LHX4: variants seen among roughly 807,000 people sequenced by gnomAD.
LHX4 encodes the protein LIM homeobox 4, also known as LIM/homeobox protein Lhx4.
Under a neutral mutation model 39.2 loss-of-function variants are expected in LHX4, and 16 were observed. That is an observed-to-expected ratio of 0.41 (90% CI 0.28 to 0.62). The LOEUF (loss-of-function observed/expected upper bound fraction) is 0.62, where lower values mean the gene tolerates loss of function less well. Among genes scored for constraint, LHX4 ranks in the 20% least tolerant of loss-of-function variants. LHX4 has a pLI of 0.33. For missense variants in LHX4, 439 were observed against 511.9 expected (o/e 0.86, Z 1.37); for synonymous variants, 206 against 198.1 (o/e 1.04, Z -0.33).
intron 2 of LHX4, among the ~76,000 whole-genome samples, chr1:180,265,338 G>T (rs547773241): frequency 1.3e-5 from 2 of 152,114 alleles, no homozygotes. Context: ...AATGCCTCCC[G>T]CCTCCCTCCT....
intron 1 of LHX4, among the ~76,000 whole-genome samples, chr1:180,238,579 T>C (rs549275191): frequency 1.3e-5 from 2 of 152,218 alleles, no homozygotes; most frequent in South Asian, 4.1e-4. Flanking sequence ...TCTTTAATGC[T>C]GCTGTCATCA....
chr1:180,255,000 C>CA (rs1385800686), intron 2 of LHX4, among the ~76,000 whole-genome samples: 1 of 152,188 alleles, frequency 6.6e-6, no homozygotes, highest in Middle Eastern at 3.2e-3. Flanking sequence ...GGGGATTGAA[C>CA]AAAGGCCCAC....
chr1:180,253,122 G>A (rs960070490), intron 2 of LHX4, among the ~76,000 whole-genome samples: 5 of 152,190 alleles, frequency 3.3e-5, no homozygotes, highest in Non-Finnish European at 5.9e-5. Context: ...TGGTGCAGAG[G>A]GTGTCCCGAG....
At chr1:180,235,533 C>T (rs1390314130) in intron 1 of LHX4, among the ~76,000 whole-genome samples, 1 of 152,248 alleles carries the variant, frequency 6.6e-6, no homozygotes, top group Non-Finnish European at 1.5e-5. Flanking sequence ...GCGATGCTCC[C>T]ATTTTCGAAG....
chr1:180,236,100 C>T (rs1664311356), intron 1 of LHX4, among the ~76,000 whole-genome samples: 1 of 150,240 alleles, frequency 6.7e-6, no homozygotes, highest in Non-Finnish European at 1.5e-5. Context: ...AGACTAAATG[C>T]TGTGAGGATT....
Position 180,274,642 on chromosome 1 carries a change from G to GA in LHX4, c.*64dup, listed in dbSNP as rs1468565202. 1.3e-6 allele frequency: 2 copies of GA among 1,484,448 alleles called. No individual in the cohort carries two copies. Among genetic ancestry groups the GA allele is most frequent in the Non-Finnish European group, 1.8e-6 (2 of 1,117,720 alleles). The allele number at this position is 1,484,448 out of a possible 1,614,324, so 92.0% of individuals were successfully genotyped here. Reference sequence around the variant, plus strand: ...GAGAGAATATCTTCAAGGATCAAAAGAGACTTGCCTTTTAAGGATCGAAAG... The same window carrying GA: ...GAGAGAATATCTTCAAGGATCAAAAGAAGACTTGCCTTTTAAGGATCGAAAG... On this transcript the variant is annotated 3_prime_UTR_variant, in exon 6 of 6. Coordinates refer to ENST00000263726, the MANE Select transcript of LHX4 (RefSeq NM_033343.4).
At chr1:180,253,083 C>T (rs989414630) in intron 2 of LHX4, among the ~76,000 whole-genome samples, 5 of 152,126 alleles carry the variant, frequency 3.3e-5, no homozygotes, top group Admixed American at 2.0e-4. Context: ...AGTTCAGTGG[C>T]GGCTTCAAAC....
At chr1:180,243,705 G>A (rs1310602202) in intron 1 of LHX4, among the ~76,000 whole-genome samples, 1 of 152,088 alleles carries the variant, frequency 6.6e-6, no homozygotes, top group East Asian at 1.9e-4. Flanking sequence ...CCGCCCTCCT[G>A]TGGACATTAG....
chr1:180,250,327 G>A (rs919001243), intron 2 of LHX4, among the ~76,000 whole-genome samples: 1 of 107,760 alleles, frequency 9.3e-6, no homozygotes, highest in Non-Finnish European at 1.9e-5. Context: ...CTGTGTTTGT[G>A]TGTGTGTGTG....
At chr1:180,262,281 GAA>G (rs34979970) in intron 2 of LHX4, among the ~76,000 whole-genome samples, 1,512 of 132,516 alleles carry the variant, frequency 0.011, 22 homozygotes, top group African/African-American at 0.023. Flanking sequence ...ACTTTGAAAG[GAA>G]AAAAAAAAAA....
In LHX4 at chr1:180,230,787, T is replaced by A. The variant is rs1354940183; in HGVS notation, c.76+182T>A. Among the ~76,000 whole-genome samples the A allele has an allele frequency of 6.6e-6, 1 of 152,026 alleles. No individual in the cohort carries two copies. The highest frequency in any genetic ancestry group is 2.4e-5 in the African/African-American group (1 of 41,388). ...TGAGGGGGCCAGGCTCTTGGCTGTT[T>A]GGGGCCGAATGTGAACGCCTCCTGG... On this transcript the variant is annotated intron_variant, in intron 1 of 5. Coordinates refer to ENST00000263726, the MANE Select transcript of LHX4 (RefSeq NM_033343.4). This position sits in a 1 kb window ranked among gnomAD's most constrained non-coding sequence, Gnocchi z 5.8.
intron 2 of LHX4, among the ~76,000 whole-genome samples, chr1:180,255,393 C>T (rs1429846730): frequency 6.6e-6 from 1 of 152,232 alleles, no homozygotes; most frequent in African/African-American, 2.4e-5. Context: ...CACACGCACA[C>T]ACGCGTGCAC....
intron 1 of LHX4, among the ~76,000 whole-genome samples, chr1:180,239,356 A>G (rs933061870): frequency 6.6e-6 from 1 of 152,210 alleles, no homozygotes; most frequent in Non-Finnish European, 1.5e-5. Context: ...TCTTCCTTAC[A>G]TGTGGGAAAG....
At chr1:180,249,151 T>A (rs1479663073) in intron 2 of LHX4, among the ~76,000 whole-genome samples, 1 of 152,242 alleles carries the variant, frequency 6.6e-6, no homozygotes, top group Non-Finnish European at 1.5e-5. Context: ...ACAGTAGTAG[T>A]CCCTACCTCA....
In LHX4 at chr1:180,246,253, T is replaced by G. The variant is rs1647379399; in HGVS notation, c.77-2032T>G. Among the ~76,000 whole-genome samples the G allele has an allele frequency of 2.6e-5, 4 of 152,308 alleles. 1 individual carries two copies. The South Asian group carries it at 8.3e-4, about 32-fold the overall frequency. Reference sequence around the variant, plus strand: ...TGATGGCATTTAGTGAGTGTCCCAATAGCCTATTTATAGGGTTTAAGTACA... The same window carrying G: ...TGATGGCATTTAGTGAGTGTCCCAAGAGCCTATTTATAGGGTTTAAGTACA... On this transcript the variant is annotated intron_variant, in intron 1 of 5. Coordinates refer to ENST00000263726, the MANE Select transcript of LHX4 (RefSeq NM_033343.4).
rs113217936 is a variant in LHX4, at chr1:180,258,984, G to C, written c.249-7408G>C. On this transcript the variant is annotated intron_variant, in intron 2 of 5. Coordinates refer to ENST00000263726, the MANE Select transcript of LHX4 (RefSeq NM_033343.4). ...GGGCTATGGGAGGAGCAGAGGGTGC[G>C]GGGGGTGTTGGTAGGAGTTTGGTTT... Among the ~76,000 whole-genome samples the C allele has an allele frequency of 5.0e-3, 754 of 152,092 alleles. 7 individuals are homozygous for C. The highest frequency in any genetic ancestry group is 0.017 in the African/African-American group (701 of 41,462).
intron 1 of LHX4, among the ~76,000 whole-genome samples, chr1:180,233,759 A>G (rs901334355): frequency 2.0e-5 from 3 of 152,090 alleles, no homozygotes; most frequent in African/African-American, 7.2e-5. Context: ...CGGGAGAAGG[A>G]GGAGCCCCGC....
intron 2 of LHX4, among the ~76,000 whole-genome samples, chr1:180,259,443 A>G (rs1354054010): frequency 2.6e-5 from 4 of 151,772 alleles, no homozygotes; most frequent in South Asian, 2.1e-4. Context: ...GTGGAGGTGC[A>G]TGGTTCACCT....
At chr1:180,238,602 G>T (rs1339676087) in intron 1 of LHX4, among the ~76,000 whole-genome samples, 1 of 152,018 alleles carries the variant, frequency 6.6e-6, no homozygotes, top group Non-Finnish European at 1.5e-5. Flanking sequence ...GATGTTCAAT[G>T]TGCCTTTTCT....
Sources: allele counts gnomAD v4.1 joint callset (sites outside exome capture counted in the v4.1 genomes callset), GRCh38; gene constraint gnomAD v4.1.1; non-coding constraint Gnocchi (gnomAD v3.1); transcripts MANE v1.5; gene names NCBI Gene and HGNC (gene_info 2026-07-23, HGNC 2026-07-21).